RYR1: variants seen among roughly 807,000 people sequenced by gnomAD.
The protein encoded by RYR1 is ryanodine receptor 1.
RYR1 carries 342 observed loss-of-function variants against 583.5 expected under a neutral mutation model. That is an observed-to-expected ratio of 0.59 (90% CI 0.54 to 0.64). RYR1 has a LOEUF of 0.64. Among genes scored for constraint, RYR1 ranks in the 30% least tolerant of loss-of-function variants. RYR1 has a pLI of 0.00. For missense variants in RYR1, 6,032 were observed against 6,917.2 expected, an observed-to-expected ratio of 0.87 and a Z score of 4.54; for synonymous variants, 2,791 against 2,822.5, an observed-to-expected ratio of 0.99 and a Z score of 0.35.
intron 3 of RYR1, among the ~76,000 whole-genome samples, chr19:38,442,817 C>T (rs1046191296): frequency 1.1e-4 from 17 of 152,170 alleles, no homozygotes; most frequent in South Asian, 2.1e-4. Flanking sequence ...CTGTCCCCGA[C>T]GCCTGCTCCT....
chr19:38,539,009 C>T (rs1018106241), intron 84 of RYR1, among the ~76,000 whole-genome samples: 3 of 152,150 alleles, frequency 2.0e-5, no homozygotes, highest in Admixed American at 6.6e-5. Context: ...AATCAACTTT[C>T]GTGACAAGAA....
At chr19:38,524,953 T>C (rs1161506877) in intron 70 of RYR1, among the ~76,000 whole-genome samples, 1 of 151,936 alleles carries the variant, frequency 6.6e-6, no homozygotes, top group African/African-American at 2.4e-5. Flanking sequence ...GGGTTAGAAA[T>C]TGGAGCCAGG....
intron 17 of RYR1, 57 bp from the exon 18 acceptor site, chr19:38,457,994 T>C: frequency 6.3e-7 from 1 of 1,589,094 alleles, no homozygotes; most frequent in Admixed American, 1.7e-5. Context: ...TTCCCACCAC[T>C]TGGCTCTCCT....
At position 38,586,162 on chromosome 19, in the gene RYR1, G is replaced by A. The variant is rs765570755; in HGVS notation, c.14940G>A (p.Thr4980=). 4.8e-5 allele frequency: 78 copies of A among 1,613,870 alleles called. No individual in the cohort carries two copies. The highest frequency in any genetic ancestry group is 5.9e-5 in the Non-Finnish European group (70 of 1,180,008). Residue 4980 remains threonine (T), a synonymous_variant, in exon 104 of 106, where the codon ACG becomes ACA. Coordinates refer to ENST00000359596, the MANE Select transcript of RYR1 (RefSeq NM_000540.3). The stretch of plus-strand genomic sequence containing the variant: ...CACCGCATGGCTTCGAGACTCACAC[G>A]CTGGAGGAGCACAACCTGGCCAATT... ...DTTPHGFETH[T]LEEHNLANYM...
chr19:38,562,328 G>A (rs985792343), intron 90 of RYR1, among the ~76,000 whole-genome samples: 1 of 151,952 alleles, frequency 6.6e-6, no homozygotes, highest in Non-Finnish European at 1.5e-5. Flanking sequence ...CGTGGTCCCG[G>A]CATGTCCCCA....
At chr19:38,443,694 G>T in intron 4 of RYR1, 24 bp from the exon 5 acceptor site, 1 of 1,614,058 alleles carries the variant, frequency 6.2e-7, no homozygotes, top group Non-Finnish European at 8.5e-7. Context: ...CTAGAAGGAG[G>T]CTGACCTCCC....
chr19:38,538,736 C>G (rs1422144744), intron 84 of RYR1: 2 of 152,194 alleles, frequency 1.3e-5, no homozygotes, highest in African/African-American at 4.8e-5. Context: ...CCTACAGATT[C>G]TTTCCTATCT....
At chr19:38,556,070 G>A (rs1243367055) in intron 89 of RYR1, among the ~76,000 whole-genome samples, 1 of 152,022 alleles carries the variant, frequency 6.6e-6, no homozygotes, top group African/African-American at 2.4e-5. Flanking sequence ...CGCCATGTTG[G>A]CCAGGGTAGT....
chr19:38,493,960 G>A (rs939640792), intron 38 of RYR1, among the ~76,000 whole-genome samples: 1 of 152,106 alleles, frequency 6.6e-6, no homozygotes, highest in Non-Finnish European at 1.5e-5. Context: ...AAGCCCTTGT[G>A]GGCTGGATAT....
At chr19:38,491,188 C>A (rs1969534720) in intron 37 of RYR1, among the ~76,000 whole-genome samples, 1 of 152,136 alleles carries the variant, frequency 6.6e-6, no homozygotes, top group Non-Finnish European at 1.5e-5. Context: ...AAGATTTTCT[C>A]TTTGTCTTTG....
intron 48 of RYR1, 60 bp from the exon 49 acceptor site, chr19:38,502,820 G>A (rs1027593338): frequency 3.9e-5 from 60 of 1,524,310 alleles, no homozygotes; most frequent in Admixed American, 5.5e-5. Flanking sequence ...GAGGAGCAGG[G>A]GCAGGGGCAG....
chr19:38,561,505 CG>C lies in RYR1; in HGVS notation c.12624+54del. ...CTCGCCTCCTGGGGCTTCGGGCATG[CG>C]GGTGCTCACTTCCTGCACCCTCAGA... On this transcript the variant is annotated intron_variant, in intron 90 of 105. Transcript: ENST00000359596. The surrounding 1 kb of genome is among the most constrained non-coding windows in gnomAD (Gnocchi z 4.8). 6.5e-7 allele frequency: 1 copy of C among 1,537,546 alleles called. No homozygotes were observed. Among genetic ancestry groups the C allele is most frequent in the South Asian group, 1.2e-5 (1 of 84,572 alleles).
At chr19:38,460,276 C>A in intron 19 of RYR1, 99 bp from the exon 20 acceptor site, 1 of 1,138,368 alleles carries the variant, frequency 8.8e-7, no homozygotes, top group South Asian at 1.2e-5. Flanking sequence ...CTCCCCAGAA[C>A]TTTCCATTGA....
At chr19:38,544,328 A>G (rs1383778966) in intron 87 of RYR1, among the ~76,000 whole-genome samples, 1 of 152,056 alleles carries the variant, frequency 6.6e-6, no homozygotes, top group Non-Finnish European at 1.5e-5. Flanking sequence ...GTCCCTGTTG[A>G]GCACCACCTT....
Position 38,453,992 on chromosome 19 carries a change from C to G in RYR1, c.1440+978C>G, listed in dbSNP as rs541594963. On this transcript the variant is annotated intron_variant, in intron 13 of 105. Transcript: ENST00000359596. ...CTCTCCACTTTGAGGCACTGCTCCTCTCACTACTGATCTAGGCCCCAGGAT... is the reference window on the plus strand; with the variant it reads ...CTCTCCACTTTGAGGCACTGCTCCTGTCACTACTGATCTAGGCCCCAGGAT... Among the ~76,000 whole-genome samples the G allele has an allele frequency of 5.3e-5, 8 of 152,304 alleles. No homozygotes were observed. The South Asian group carries it at 1.7e-3, about 32-fold the overall frequency.
chr19:38,447,148 C>G (rs1295748868), intron 9 of RYR1, among the ~76,000 whole-genome samples: 1 of 152,090 alleles, frequency 6.6e-6, no homozygotes, highest in Non-Finnish European at 1.5e-5. Flanking sequence ...TCACTCGAGC[C>G]CAGCGGGTCA....
At chr19:38,486,468 C>G (rs572190983) in intron 34 of RYR1, among the ~76,000 whole-genome samples, 2 of 152,170 alleles carry the variant, frequency 1.3e-5, no homozygotes, top group Non-Finnish European at 2.9e-5. Flanking sequence ...CTCAGCCCCC[C>G]GAGTAGCGGG....
chr19:38,581,093 C>CT lies in RYR1; in HGVS notation c.14646+599dup, dbSNP rs1208711931. Among the ~76,000 whole-genome samples the CT allele has an allele frequency of 2.0e-4, 29 of 146,316 alleles. No individual in the cohort carries two copies. The East Asian group carries it at 2.0e-3, about 10-fold the overall frequency. On this transcript the variant is annotated intron_variant, in intron 101 of 105. Transcript: ENST00000359596. ...TTTGTATTCTTAATTTTCTTTCTTT[C>CT]TTTTTTTTTTGAGACAGAGTCTGGC...
intron 66 of RYR1, among the ~76,000 whole-genome samples, 168 bp downstream of exon 66, chr19:38,517,859 CTGTAACACCAACACTTTGGGAGGATCAGT>C (rs1488692599): frequency 6.6e-6 from 1 of 152,176 alleles, no homozygotes; most frequent in Non-Finnish European, 1.5e-5. Flanking sequence ...TGGCTCACAG[CTGTAACACCAACACTTTGGGAGGATCAGT>C]TGAGGCCAGC....
Sources: allele counts gnomAD v4.1 joint callset (sites outside exome capture counted in the v4.1 genomes callset), GRCh38; gene constraint gnomAD v4.1.1; non-coding constraint Gnocchi (gnomAD v3.1); transcripts MANE v1.5; gene names NCBI Gene and HGNC (gene_info 2026-07-23, HGNC 2026-07-21).